ACTN4: variants seen among roughly 807,000 people sequenced by gnomAD.
The protein encoded by ACTN4 is alpha-actinin-4.
A neutral mutation model predicts 114.2 loss-of-function variants in ACTN4; 18 were observed. The observed-to-expected ratio is 0.16, with a 90% CI of 0.11 to 0.23. The LOEUF (loss-of-function observed/expected upper bound fraction) is 0.23, where lower values mean the gene tolerates loss of function less well. ACTN4 is among the 10% of genes least tolerant of loss of function. ACTN4 has a pLI of 1.00. For missense variants in ACTN4, 722 were observed against 1,262.9 expected, an observed-to-expected ratio of 0.57 and a Z score of 6.49; for synonymous variants, 515 against 506.3, an observed-to-expected ratio of 1.02 and a Z score of -0.23.
chr19:38,716,733 AG>A (rs1968853797), intron 9 of ACTN4, among the ~76,000 whole-genome samples: 1 of 152,238 alleles, frequency 6.6e-6, no homozygotes, highest in Non-Finnish European at 1.5e-5. Flanking sequence ...ACTACTTGGG[AG>A]ACTGAGGTGG....
In ACTN4 at chr19:38,667,706, C is replaced by CAA. The variant is rs77347323; in HGVS notation, c.162+19813_162+19814dup. 3.9e-3 allele frequency among the ~76,000 whole-genome samples: 506 copies of CAA among 129,320 alleles called. 4 individuals are homozygous for CAA. Among genetic ancestry groups the CAA allele is most frequent in the African/African-American group, 9.9e-3 (324 of 32,606 alleles). The allele number at this position is 129,320 out of a possible 152,430, so 84.8% of individuals were successfully genotyped here. Reference sequence around the variant, plus strand: ...AGTCTGATGTATCTGTTTCTTCCACCAAAAAAAAAAAAAAACCATTTTGGA... The same window carrying CAA: ...AGTCTGATGTATCTGTTTCTTCCACCAAAAAAAAAAAAAAAAACCATTTTGGA... On this transcript the variant is annotated intron_variant, in intron 1 of 20. Coordinates refer to ENST00000252699, the MANE Select transcript of ACTN4 (RefSeq NM_004924.6).
chr19:38,673,756 T>TA lies in ACTN4; in HGVS notation c.162+25849_162+25850insA, dbSNP rs1189130923. On this transcript the variant is annotated intron_variant, in intron 1 of 20. Transcript: ENST00000252699. Reference sequence around the variant, plus strand: ...ATATATTTATATATTTATATATATTTTTATATATATATATTTATATATGTA... The same window carrying TA: ...ATATATTTATATATTTATATATATTTATTATATATATATATTTATATATGTA... Among the ~76,000 whole-genome samples, 4 of 52,712 alleles carry TA rather than the reference T, an allele frequency of 7.6e-5. 2 individuals carry two copies. Among genetic ancestry groups the TA allele is most frequent in the Admixed American group, 4.2e-4 (2 of 4,784 alleles). 34.6% of individuals were successfully genotyped at this position (52,712 alleles called of 152,430 possible).
At chr19:38,699,416 C>T (rs1009924149) in intron 1 of ACTN4, among the ~76,000 whole-genome samples, 16 of 152,182 alleles carry the variant, frequency 1.1e-4, no homozygotes, top group Non-Finnish European at 2.1e-4. Context: ...GGCCTGCCTC[C>T]CACTTGCCTT....
chr19:38,730,316 C>T lies in ACTN4; in HGVS notation c.*884C>T, dbSNP rs1460374420. 6.1e-6 allele frequency: 1 copy of T among 165,266 alleles called. No individual in the cohort carries two copies. The highest frequency in any genetic ancestry group is 2.4e-5 in the African/African-American group (1 of 41,456). The allele number at this position is 165,266 out of a possible 1,614,324, so 10.2% of individuals were successfully genotyped here. Reference sequence around the variant, plus strand: ...ACATAGCCGATTCTCTGCCCGGGCCCCTTGCTGATGCTCCTCCGGGTCTGC... The same window carrying T: ...ACATAGCCGATTCTCTGCCCGGGCCTCTTGCTGATGCTCCTCCGGGTCTGC... On this transcript the variant is annotated 3_prime_UTR_variant, in exon 21 of 21. Coordinates refer to ENST00000252699, the MANE Select transcript of ACTN4 (RefSeq NM_004924.6).
chr19:38,663,325 GC>G (rs1435694209), intron 1 of ACTN4, among the ~76,000 whole-genome samples: 6 of 152,238 alleles, frequency 3.9e-5, no homozygotes, highest in African/African-American at 1.2e-4. Context: ...CCCTCGCTGG[GC>G]CCCTCTTCAG....
intron 1 of ACTN4, among the ~76,000 whole-genome samples, chr19:38,685,518 G>A (rs1219263325): frequency 1.3e-5 from 2 of 152,290 alleles, no homozygotes; most frequent in African/African-American, 2.4e-5. Context: ...GCAGGCTGGT[G>A]AGCACCCAAC....
chr19:38,662,369 C>T (rs1358979854), intron 1 of ACTN4, among the ~76,000 whole-genome samples: 2 of 152,088 alleles, frequency 1.3e-5, no homozygotes, highest in Non-Finnish European at 2.9e-5. Flanking sequence ...TTCTCTCAGC[C>T]TTAGCACTGA....
chr19:38,703,354 T>C (rs1176358022), intron 3 of ACTN4, among the ~76,000 whole-genome samples: 1 of 150,828 alleles, frequency 6.6e-6, no homozygotes, highest in Non-Finnish European at 1.5e-5. Flanking sequence ...TTCTCCTGCC[T>C]CAGCCTCCAG....
chr19:38,684,613 A>C (rs1469985581), intron 1 of ACTN4, among the ~76,000 whole-genome samples: 1 of 152,182 alleles, frequency 6.6e-6, no homozygotes, highest in East Asian at 1.9e-4. Flanking sequence ...AGCCAGGGTG[A>C]GAGTGTAGCC....
At chr19:38,718,587 G>C (rs1326240472) in intron 11 of ACTN4, among the ~76,000 whole-genome samples, 1 of 152,148 alleles carries the variant, frequency 6.6e-6, no homozygotes, top group Non-Finnish European at 1.5e-5. Context: ...CCAGAAAGCA[G>C]GGACCATTCA....
chr19:38,677,357 GAATA>G (rs1967412195), intron 1 of ACTN4, among the ~76,000 whole-genome samples: 1 of 133,278 alleles, frequency 7.5e-6, no homozygotes, highest in Non-Finnish European at 1.8e-5. Context: ...TGTATTGAAT[GAATA>G]GATAGCCAAA....
chr19:38,720,121 G>A (rs1473669008), intron 11 of ACTN4, among the ~76,000 whole-genome samples: 1 of 152,226 alleles, frequency 6.6e-6, no homozygotes, highest in Non-Finnish European at 1.5e-5. Context: ...CCCAGGGTCT[G>A]GTCGTAGCGG....
intron 1 of ACTN4, among the ~76,000 whole-genome samples, chr19:38,691,673 C>T (rs961586991): frequency 6.6e-6 from 1 of 152,000 alleles, no homozygotes; most frequent in Non-Finnish European, 1.5e-5. Context: ...GAGGCTGAGG[C>T]GGGTGGATTA....
chr19:38,679,102 A>G (rs1187118558), intron 1 of ACTN4, among the ~76,000 whole-genome samples: 1 of 152,190 alleles, frequency 6.6e-6, no homozygotes, highest in African/African-American at 2.4e-5. Context: ...ATGGTGCTGT[A>G]TGGCCTCCAA....
In ACTN4 at chr19:38,723,016, C is replaced by G. The variant is rs184173092; in HGVS notation, c.1443-598C>G. On this transcript the variant is annotated intron_variant, in intron 12 of 20. Transcript: ENST00000252699. ...GCTGAGCACTGATTAATGGCGATAG[C>G]AAAAACTCACTGAGCTCTCAGGGCT... Among the ~76,000 whole-genome samples the G allele has an allele frequency of 1.6e-3, 238 of 152,306 alleles. 1 individual carries two copies. Among genetic ancestry groups the G allele is most frequent in the Admixed American group, 0.013 (196 of 15,300 alleles).
At chr19:38,726,350 ACACTTTCCCTAG>A (rs893471453) in intron 17 of ACTN4, among the ~76,000 whole-genome samples, 1 of 151,990 alleles carries the variant, frequency 6.6e-6, no homozygotes, top group African/African-American at 2.4e-5. Flanking sequence ...TTTAAAAATT[ACACTTTCCCTAG>A]CACTGCTCTC....
Position 38,647,865 on chromosome 19 carries a change from G to A in ACTN4, c.120G>A (p.Arg40=). 6.5e-7 allele frequency: 1 copy of A among 1,538,060 alleles called. No homozygotes were observed. The part of the protein sequence containing the change: ...DYMAQEDDWD[R]DLLLDPAWEK... ...TGGCCCAGGAGGACGACTGGGACCGGGACCTGCTGCTGGACCCGGCCTGGG... is the reference window on the plus strand; with the variant it reads ...TGGCCCAGGAGGACGACTGGGACCGAGACCTGCTGCTGGACCCGGCCTGGG... Residue 40 remains arginine (R), a synonymous_variant, in exon 1 of 21, where the codon CGG becomes CGA. Coordinates refer to ENST00000252699, the MANE Select transcript of ACTN4 (RefSeq NM_004924.6).
intron 1 of ACTN4, among the ~76,000 whole-genome samples, chr19:38,673,556 CTTATATATAT>C (rs1256466753): frequency 1.4e-3 from 40 of 29,614 alleles, no homozygotes; most frequent in African/African-American, 3.1e-3. Context: ...TTTATATATA[CTTATATATAT>C]TTATATATAT....
chr19:38,716,195 G>T (rs1377686442), intron 9 of ACTN4, among the ~76,000 whole-genome samples: 2 of 152,220 alleles, frequency 1.3e-5, no homozygotes, highest in Non-Finnish European at 2.9e-5. Flanking sequence ...GTGAACCAGC[G>T]TGCCTGGCCT....
Sources: allele counts gnomAD v4.1 joint callset (sites outside exome capture counted in the v4.1 genomes callset), GRCh38; gene constraint gnomAD v4.1.1; transcripts MANE v1.5; gene names NCBI Gene and HGNC (gene_info 2026-07-23, HGNC 2026-07-21).